The following ERBB4 variants were observed in gnomAD, a reference collection of about 807,000 sequenced individuals.
ERBB4 encodes receptor tyrosine-protein kinase erbB-4.
A neutral mutation model predicts 158.0 loss-of-function variants in ERBB4; 42 were observed. That is an observed-to-expected ratio of 0.27 (90% CI 0.21 to 0.34). ERBB4 has a LOEUF of 0.34. Among genes scored for constraint, ERBB4 ranks in the 10% least tolerant of loss-of-function variants. The pLI is 1.00. For synonymous variants in ERBB4, 583 were observed against 558.7 expected, an observed-to-expected ratio of 1.04 and a Z score of -0.61; for missense variants, 1,333 against 1,624.1, an observed-to-expected ratio of 0.82 and a Z score of 3.08.
At chr2:212,407,758 T>C (rs1391996600) in intron 1 of ERBB4, among the ~76,000 whole-genome samples, 2 of 152,066 alleles carry the variant, frequency 1.3e-5, no homozygotes, top group Non-Finnish European at 2.9e-5. Flanking sequence ...CCATCTGCTG[T>C]CCTAGAAATT....
chr2:212,174,398 G>T (rs1001641103), intron 1 of ERBB4, among the ~76,000 whole-genome samples: 4 of 152,066 alleles, frequency 2.6e-5, no homozygotes, highest in African/African-American at 9.7e-5. Flanking sequence ...TACAAGTTAA[G>T]ATACATACAT....
chr2:211,761,574 C>T (rs761912345), intron 4 of ERBB4, among the ~76,000 whole-genome samples: 2 of 152,062 alleles, frequency 1.3e-5, no homozygotes, highest in Non-Finnish European at 2.9e-5. Context: ...TTTGTTCTTG[C>T]CCATTATTTC....
chr2:212,459,697 A>G (rs1688475900), intron 1 of ERBB4, among the ~76,000 whole-genome samples: 1 of 152,218 alleles, frequency 6.6e-6, no homozygotes, highest in South Asian at 2.1e-4. Context: ...AATTTAATAC[A>G]AAGCTGCAGT....
At chr2:211,528,978 TTAG>T (rs57252808) in intron 20 of ERBB4, among the ~76,000 whole-genome samples, 5,275 of 151,026 alleles carry the variant, frequency 0.035, 292 homozygotes, top group African/African-American at 0.12. Flanking sequence ...AAACCCAAAA[TTAG>T]TAGATGAAAG....
At chr2:212,027,332 C>T (rs1039446109) in intron 2 of ERBB4, among the ~76,000 whole-genome samples, 1 of 148,102 alleles carries the variant, frequency 6.8e-6, no homozygotes, top group African/African-American at 2.5e-5. Context: ...TGATGGGTCA[C>T]ATGATCAGAA....
chr2:211,514,016 A>G (rs2065956303), intron 20 of ERBB4, among the ~76,000 whole-genome samples: 1 of 152,132 alleles, frequency 6.6e-6, no homozygotes, highest in Non-Finnish European at 1.5e-5. Flanking sequence ...TTTGAAATAT[A>G]CAATAAATTA....
intron 1 of ERBB4, among the ~76,000 whole-genome samples, chr2:212,186,093 G>A (rs568942243): frequency 6.6e-6 from 1 of 152,176 alleles, no homozygotes; most frequent in South Asian, 2.1e-4. Flanking sequence ...AAGGCATTTT[G>A]AAGTAAAATA....
rs182635481 is a variant in ERBB4 at position 212,391,939 on chromosome 2, C to A, written c.82+146510G>T. On this transcript the variant is annotated intron_variant, in intron 1 of 27. Transcript: ENST00000342788. ...GACAAAATAAATAAAATAAGCAATG[C>A]GAAATTTTTAATTTAAAAGGATTAT... is the stretch of plus-strand genomic sequence containing the variant. Among the ~76,000 whole-genome samples the A allele has an allele frequency of 3.0e-4, 45 of 150,768 alleles. No individual in the cohort carries two copies. In the East Asian group the frequency reaches 5.5e-3, roughly 18 times the overall value.
intron 20 of ERBB4, among the ~76,000 whole-genome samples, chr2:211,450,597 G>A (rs2064221250): frequency 6.6e-6 from 1 of 152,158 alleles, no homozygotes; most frequent in Admixed American, 6.5e-5. Context: ...AATAAAATAG[G>A]AGCATGAGAG....
intron 1 of ERBB4, among the ~76,000 whole-genome samples, chr2:212,483,272 ATAAT>A (rs1482628479): frequency 6.6e-6 from 1 of 152,224 alleles, no homozygotes. Flanking sequence ...AATTAAACAG[ATAAT>A]TAAGTAAAGA....
intron 25 of ERBB4, among the ~76,000 whole-genome samples, chr2:211,406,493 T>C (rs2063150514): frequency 6.6e-6 from 1 of 152,134 alleles, no homozygotes; most frequent in African/African-American, 2.4e-5. Flanking sequence ...AATCTGATGA[T>C]AAAAACATTC....
intron 1 of ERBB4, among the ~76,000 whole-genome samples, chr2:212,278,570 T>G (rs1379726389): frequency 6.6e-6 from 1 of 151,608 alleles, no homozygotes; most frequent in Non-Finnish European, 1.5e-5. Context: ...TAAATTCTAC[T>G]TCTTCACCAT....
chr2:212,366,773 C>T (rs1202825936), intron 1 of ERBB4, among the ~76,000 whole-genome samples: 1 of 151,918 alleles, frequency 6.6e-6, no homozygotes, highest in Non-Finnish European at 1.5e-5. Flanking sequence ...TTATAAAGCA[C>T]AGATTTATTT....
intron 1 of ERBB4, among the ~76,000 whole-genome samples, chr2:212,255,036 G>C (rs982388205): frequency 2.0e-5 from 3 of 152,068 alleles, no homozygotes; most frequent in African/African-American, 4.8e-5. Context: ...ATACACATGT[G>C]CAAACACATC....
chr2:212,538,579 A>G lies in ERBB4; in HGVS notation c.-49T>C, dbSNP rs755631528. On this transcript the variant is annotated 5_prime_UTR_variant, in exon 1 of 28. An upstream start codon of the reference 5' UTR is lost. Coordinates refer to ENST00000342788, the MANE Select transcript of ERBB4 (RefSeq NM_005235.3). ...GCTGACAATTACATGTCCAAATGGC[A>G]TATCCCCCTTTCGGGCACGCGGAGG... 5.1e-6 allele frequency: 8 copies of G among 1,557,144 alleles called. No homozygotes were observed. Among genetic ancestry groups the G allele is most frequent in the Admixed American group, 3.3e-5 (2 of 59,944 alleles).
At chr2:212,508,989 T>G (rs181856288) in intron 1 of ERBB4, among the ~76,000 whole-genome samples, 4 of 152,254 alleles carry the variant, frequency 2.6e-5, no homozygotes, top group African/African-American at 9.6e-5. Context: ...ATTATTTATT[T>G]TCTAATGTCC....
At chr2:211,419,921 C>G (rs2063479656) in intron 25 of ERBB4, among the ~76,000 whole-genome samples, 1 of 151,994 alleles carries the variant, frequency 6.6e-6, no homozygotes, top group Non-Finnish European at 1.5e-5. Flanking sequence ...AAATCTACTT[C>G]TCAGCAGCCT....
chr2:211,606,076 C>T (rs2068969792), intron 19 of ERBB4, among the ~76,000 whole-genome samples: 1 of 151,998 alleles, frequency 6.6e-6, no homozygotes, highest in South Asian at 2.1e-4. Context: ...ATTTTAGACA[C>T]AGATGATGGT....
chr2:211,584,467 A>G (rs1445765378), intron 19 of ERBB4, among the ~76,000 whole-genome samples: 1 of 152,090 alleles, frequency 6.6e-6, no homozygotes. Context: ...CCAGATGTAT[A>G]AGACCCCACA....
Sources: allele counts gnomAD v4.1 joint callset (sites outside exome capture counted in the v4.1 genomes callset), GRCh38; gene constraint gnomAD v4.1.1; transcripts MANE v1.5; gene names NCBI Gene and HGNC (gene_info 2026-07-23, HGNC 2026-07-21).